HOMER2: variants seen among roughly 807,000 people sequenced by gnomAD.
HOMER2 encodes the protein homer protein homolog 2.
Under a neutral mutation model 47.0 loss-of-function variants are expected in HOMER2, and 27 were observed. The ratio of observed to expected loss-of-function variants is 0.57; its 90% CI spans 0.42 to 0.79. HOMER2 has a LOEUF of 0.79. Ranked by LOEUF, HOMER2 falls within the 30% of genes least tolerant of loss-of-function variation. HOMER2 has a pLI of 0.00. For synonymous variants in HOMER2, 161 were observed against 163.8 expected (o/e 0.98, Z 0.13); for missense variants, 443 against 435.0 (o/e 1.02, Z -0.16).
At chr15:82,975,206 G>A (rs1277594420) in intron 1 of HOMER2, among the ~76,000 whole-genome samples, 1 of 152,206 alleles carries the variant, frequency 6.6e-6, no homozygotes, top group Non-Finnish European at 1.5e-5. Context: ...CCAAAAGACA[G>A]GCAATAAATG....
chr15:82,921,563 G>C (rs2053729572), intron 1 of HOMER2, among the ~76,000 whole-genome samples: 1 of 152,210 alleles, frequency 6.6e-6, no homozygotes, highest in Admixed American at 6.5e-5. Context: ...CTCTGCCAGT[G>C]GAGTCCACTC....
At chr15:82,867,028 G>A (rs1199488064) in intron 3 of HOMER2, among the ~76,000 whole-genome samples, 1 of 152,132 alleles carries the variant, frequency 6.6e-6, no homozygotes, top group Non-Finnish European at 1.5e-5. Flanking sequence ...TAAAAAATTA[G>A]CTTATGACTA....
downstream of HOMER2, chr15:82,835,556 A>G (rs945258922): frequency 6.6e-6 from 1 of 151,980 alleles, no homozygotes; most frequent in African/African-American, 2.4e-5. Context: ...CAGGTTTCCC[A>G]GCCACTGCCA....
chr15:82,890,054 C>T (rs1251481385), intron 2 of HOMER2, among the ~76,000 whole-genome samples: 2 of 152,102 alleles, frequency 1.3e-5, no homozygotes, highest in East Asian at 1.9e-4. Flanking sequence ...GGGAGGAACA[C>T]GAGGTGGCGG....
chr15:82,859,077 G>C lies in HOMER2; in HGVS notation c.446C>G (p.Thr149Arg). The change falls in exon 5 of 9, where the codon ACA (threonine) becomes AGA (arginine). Residue 149 changes from threonine to arginine, a missense_variant. Physicochemically the swap from Thr to Arg is moderately conservative, Grantham distance 71. Coordinates refer to ENST00000450735, the MANE Select transcript of HOMER2 (RefSeq NM_004839.4). ...EKASHAGPANTHLKSENDKLK... is the reference protein window; with the variant it reads ...EKASHAGPANRHLKSENDKLK... ...CTTGTCATTCTCAGACTTCAGGTGT[G>C]TGTTGGCTGGACCGGCGTGAGAGGC... The C allele has an allele frequency of 6.2e-7, 1 of 1,614,040 alleles. No individual in the cohort carries two copies. Among genetic ancestry groups the C allele is most frequent in the Non-Finnish European group, 8.5e-7 (1 of 1,179,890 alleles).
intron 1 of HOMER2, among the ~76,000 whole-genome samples, chr15:82,927,551 G>A (rs572439496): frequency 6.6e-6 from 1 of 152,186 alleles, no homozygotes; most frequent in Non-Finnish European, 1.5e-5. Context: ...CCATAATTGA[G>A]TAATTATTTT....
At chr15:82,952,312 C>A (rs1471995357) in intron 1 of HOMER2, among the ~76,000 whole-genome samples, 4 of 152,180 alleles carry the variant, frequency 2.6e-5, no homozygotes, top group Non-Finnish European at 5.9e-5. Context: ...GCCACGGGCT[C>A]CGCGCCCAGG....
At chr15:82,914,465 CA>C (rs775987103) in intron 1 of HOMER2, among the ~76,000 whole-genome samples, 58 of 150,726 alleles carry the variant, frequency 3.8e-4, no homozygotes, top group Non-Finnish European at 7.7e-4. Context: ...AAACCAGTCA[CA>C]AAATAAATAT....
At chr15:82,874,496 C>T (rs1392319317) in intron 3 of HOMER2, among the ~76,000 whole-genome samples, 1 of 152,214 alleles carries the variant, frequency 6.6e-6, no homozygotes, top group African/African-American at 2.4e-5. Flanking sequence ...TCAGTTTATT[C>T]CCTCAGTTCT....
At position 82,937,254 on chromosome 15, in the gene HOMER2, A is replaced by C. The variant is rs558227948; in HGVS notation, c.5+15277T>G. 9.2e-5 allele frequency among the ~76,000 whole-genome samples: 14 copies of C among 152,334 alleles called. 1 individual carries two copies. The South Asian group carries it at 2.9e-3, about 32-fold the overall frequency. ...CAGTCTAGACATTCTTCTCTGCATA[A>C]GACTTCATGCTCTCACCTTCAGCTT... On this transcript the variant is annotated intron_variant, in intron 1 of 8. Coordinates refer to ENST00000450735, the MANE Select transcript of HOMER2 (RefSeq NM_004839.4).
At chr15:82,851,269 G>C in intron 7 of HOMER2, 38 bp from the exon 8 acceptor site, 1 of 1,360,990 alleles carries the variant, frequency 7.3e-7, no homozygotes, top group African/African-American at 1.4e-5. Context: ...ATGAAAGCAA[G>C]TCAGATAAAA....
chr15:82,978,597 A>T (rs2030286137), intron 1 of HOMER2, among the ~76,000 whole-genome samples: 1 of 152,212 alleles, frequency 6.6e-6, no homozygotes, highest in African/African-American at 2.4e-5. Flanking sequence ...TGGCTGTGCC[A>T]CCACCCAAAT....
At chr15:82,984,635 C>T (rs1395959284) in intron 1 of HOMER2, among the ~76,000 whole-genome samples, 1 of 152,024 alleles carries the variant, frequency 6.6e-6, no homozygotes, top group African/African-American at 2.4e-5. Context: ...CTGGGCAATA[C>T]TGCAAAATTC....
At chr15:82,911,280 G>GT (rs2053446170) in intron 1 of HOMER2, among the ~76,000 whole-genome samples, 2 of 152,120 alleles carry the variant, frequency 1.3e-5, no homozygotes, top group African/African-American at 4.8e-5. Context: ...TCTAGGACTT[G>GT]TTTTTTTCCT....
chr15:82,855,263 T>C (rs2051539180), intron 5 of HOMER2, among the ~76,000 whole-genome samples: 1 of 131,188 alleles, frequency 7.6e-6, no homozygotes, highest in Non-Finnish European at 1.5e-5. Flanking sequence ...GAGGTGGAGG[T>C]TGCAGTGAGC....
chr15:82,890,297 G>A (rs1157219650), intron 2 of HOMER2, among the ~76,000 whole-genome samples: 2 of 152,120 alleles, frequency 1.3e-5, no homozygotes, highest in African/African-American at 4.8e-5. Context: ...AGCTGAGATC[G>A]TGCCACTGCA....
intron 2 of HOMER2, among the ~76,000 whole-genome samples, chr15:82,880,100 T>A (rs2052473686): frequency 6.6e-6 from 1 of 152,080 alleles, no homozygotes; most frequent in South Asian, 2.1e-4. Context: ...AGGGCAGGGG[T>A]CAGCAAACTA....
At chr15:82,879,196 G>T (rs779677083) in intron 2 of HOMER2, among the ~76,000 whole-genome samples, 24 of 152,082 alleles carry the variant, frequency 1.6e-4, no homozygotes, top group Non-Finnish European at 2.4e-4. Flanking sequence ...TTTTCCCTCT[G>T]TTTCCTTGAA....
At chr15:82,920,487 C>G (rs1206456447) in intron 1 of HOMER2, among the ~76,000 whole-genome samples, 1 of 152,186 alleles carries the variant, frequency 6.6e-6, no homozygotes, top group African/African-American at 2.4e-5. Flanking sequence ...GGGTTGGAAG[C>G]TCTAAGGAAG....
Sources: allele counts gnomAD v4.1 joint callset (sites outside exome capture counted in the v4.1 genomes callset), GRCh38; gene constraint gnomAD v4.1.1; transcripts MANE v1.5; gene names NCBI Gene and HGNC (gene_info 2026-07-23, HGNC 2026-07-21).